NPIPA5: variants seen among roughly 807,000 people sequenced by gnomAD.
The protein encoded by NPIPA5 is nuclear pore complex-interacting protein family member A5.
A neutral mutation model predicts 21.4 loss-of-function variants in NPIPA5; 6 were observed. The ratio of observed to expected loss-of-function variants is 0.28; its 90% CI spans 0.15 to 0.55. NPIPA5 has a LOEUF of 0.55. Among genes scored for constraint, NPIPA5 ranks in the 20% least tolerant of loss-of-function variants. The probability of loss-of-function intolerance (pLI) is 0.93; values close to 1 mark genes in which losing one functional copy is unlikely to be tolerated. For missense variants in NPIPA5, 99 were observed against 318.2 expected (o/e 0.31, Z 5.24); for synonymous variants, 33 against 115.3 (o/e 0.29, Z 4.57).
At chr16:15,380,537 G>T (rs1429827159), upstream of NPIPA5, among the ~76,000 whole-genome samples, 1 of 151,888 alleles carries the variant, frequency 6.6e-6, no homozygotes, top group Admixed American at 6.6e-5. Flanking sequence ...TGGTCAGGCT[G>T]GTCTCGAAGT....
chr16:15,377,713 GGGA>G (rs548977986), intron 1 of NPIPA5, among the ~76,000 whole-genome samples: 6 of 89,828 alleles, frequency 6.7e-5, no homozygotes, highest in Non-Finnish European at 1.2e-4. Context: ...GGGGCTGTTG[GGGA>G]GGAGGAGGAG....
At chr16:15,366,829 T>C in intron 4 of NPIPA5, 69 bp from the exon 5 acceptor site, 1 of 1,516,296 alleles carries the variant, frequency 6.6e-7, no homozygotes, top group Admixed American at 2.3e-5. Context: ...CCTTCTGGCA[T>C]CTGAAGGCTG....
At chr16:15,372,502 A>C (rs1184994805) in intron 2 of NPIPA5, among the ~76,000 whole-genome samples, 1 of 146,260 alleles carries the variant, frequency 6.8e-6, no homozygotes, top group East Asian at 2.0e-4. Context: ...GAAAAGAAAA[A>C]AAAAAAAAGC....
chr16:15,378,053 C>T (rs1433228984), intron 1 of NPIPA5, among the ~76,000 whole-genome samples, 179 bp downstream of exon 1: 1 of 145,252 alleles, frequency 6.9e-6, no homozygotes, highest in Non-Finnish European at 1.5e-5. Flanking sequence ...CACGCTCCTC[C>T]CAAGGCCAGG....
chr16:15,371,360 T>C (rs166132), intron 2 of NPIPA5, among the ~76,000 whole-genome samples: 14,617 of 142,242 alleles, frequency 0.1, 1,404 homozygotes, highest in East Asian at 0.4. Flanking sequence ...TCACTAATGA[T>C]TGAATTCCCA....
At chr16:15,380,834 G>A (rs1271482811), upstream of NPIPA5, 2 of 611,402 alleles carry the variant, frequency 3.3e-6, no homozygotes, top group Non-Finnish European at 5.6e-6. Context: ...GACTGCGTAA[G>A]CTTCCCCCAG....
intron 1 of NPIPA5, among the ~76,000 whole-genome samples, chr16:15,375,486 G>T (rs1480523132): frequency 6.6e-6 from 1 of 151,578 alleles, no homozygotes; most frequent in Non-Finnish European, 1.5e-5. Flanking sequence ...GCTCACGCCT[G>T]CAATCCCAGC....
At position 15,371,595 on chromosome 16, in the gene NPIPA5, C is replaced by G. The variant is rs2050156544; in HGVS notation, c.193-1476G>C. ...TTGGCTCACGGCAACCTCCACCTCC[C>G]AGATTCAAGCGATTCTTGTGCCTCG... On this transcript the variant is annotated intron_variant, in intron 2 of 7. Coordinates refer to ENST00000360151, the MANE Select transcript of NPIPA5 (RefSeq NM_001277325.2). Among the ~76,000 whole-genome samples the G allele has an allele frequency of 2.2e-4, 32 of 142,326 alleles. 5 individuals carry two copies. The South Asian group carries it at 7.6e-3, about 34-fold the overall frequency. The allele number at this position is 142,326 out of a possible 152,430, so 93.4% of individuals were successfully genotyped here.
In NPIPA5 at chr16:15,371,153, C is replaced by T. The variant is rs1030295515; in HGVS notation, c.193-1034G>A. ...TTGTAAGTATTTTACCACAGGTTAA[C>T]ATGTTTCACAACTTGAAAAGGAAGT... On this transcript the variant is annotated intron_variant, in intron 2 of 7. Transcript: ENST00000360151. Among the ~76,000 whole-genome samples, 93 of 144,388 alleles carry T rather than the reference C, an allele frequency of 6.4e-4. 1 individual carries two copies. Among genetic ancestry groups the T allele is most frequent in the African/African-American group, 2.3e-3 (91 of 39,934 alleles). 94.7% of individuals were successfully genotyped at this position (144,388 alleles called of 152,430 possible).
chr16:15,376,998 T>C (rs1281404256), intron 1 of NPIPA5, among the ~76,000 whole-genome samples: 1 of 151,502 alleles, frequency 6.6e-6, no homozygotes, highest in Non-Finnish European at 1.5e-5. Context: ...AAAAAAGTCA[T>C]CAAACCAGAT....
chr16:15,372,048 A>G (rs1036098008), intron 2 of NPIPA5, among the ~76,000 whole-genome samples: 1 of 148,140 alleles, frequency 6.8e-6, no homozygotes, highest in Non-Finnish European at 1.5e-5. Flanking sequence ...GCCATCACAC[A>G]TGAATGCTTC....
At chr16:15,377,613 C>T (rs1485412657) in intron 1 of NPIPA5, among the ~76,000 whole-genome samples, 6 of 112,906 alleles carry the variant, frequency 5.3e-5, no homozygotes, top group Non-Finnish European at 1.1e-4. Context: ...GGACCGGGGC[C>T]GGATCTGAGT....
intron 1 of NPIPA5, among the ~76,000 whole-genome samples, chr16:15,376,120 AC>A (rs1190400183): frequency 2.0e-5 from 3 of 152,036 alleles, no homozygotes; most frequent in Non-Finnish European, 1.5e-5. Context: ...ACAAAAGAGT[AC>A]CTATGGCATG....
upstream of NPIPA5, among the ~76,000 whole-genome samples, chr16:15,380,463 C>A (rs1226049418): frequency 1.3e-5 from 2 of 151,956 alleles, no homozygotes; most frequent in Admixed American, 6.6e-5. Flanking sequence ...GCTGGAACTA[C>A]AGGCTGACAC....
At position 15,370,177 on chromosome 16, in the gene NPIPA5, C is replaced by T. The variant is rs376563628; in HGVS notation, c.193-58G>A. The stretch of plus-strand genomic sequence containing the variant: ...GCACGGTGGCTCATGCGTATAATCC[C>T]AGTACTTTGGGAGGCCGAGGCAGGG... On this transcript the variant is annotated intron_variant, in intron 2 of 7. Coordinates refer to ENST00000360151, the MANE Select transcript of NPIPA5 (RefSeq NM_001277325.2). The T allele has an allele frequency of 6.5e-6, 10 of 1,541,642 alleles. 1 individual carries two copies. In the East Asian group the frequency reaches 1.9e-4, roughly 29 times the overall value.
chr16:15,366,884 T>C (rs2049989962), intron 4 of NPIPA5, 124 bp from the exon 5 acceptor site: 1 of 1,513,204 alleles, frequency 6.6e-7, no homozygotes, highest in African/African-American at 1.4e-5. Context: ...ATGAACCAAC[T>C]GATTCTCACA....
chr16:15,379,546 G>A (rs1292390590), upstream of NPIPA5, among the ~76,000 whole-genome samples: 6 of 151,916 alleles, frequency 3.9e-5, no homozygotes, highest in African/African-American at 1.4e-4. Flanking sequence ...CAGCCTAGGC[G>A]ACAGAGCGAG....
chr16:15,366,938 A>C (rs1050589485), intron 4 of NPIPA5, among the ~76,000 whole-genome samples, 178 bp from the exon 5 acceptor site: 1 of 152,052 alleles, frequency 6.6e-6, no homozygotes, highest in African/African-American at 2.4e-5. Flanking sequence ...ATAAAAAAAA[A>C]TCACACTCTG....
upstream of NPIPA5, chr16:15,381,002 C>T (rs2050424386): frequency 4.0e-6 from 6 of 1,513,042 alleles, no homozygotes; most frequent in East Asian, 2.5e-5. Flanking sequence ...TGGCCCTGGT[C>T]ATGGGACAGG....
Sources: allele counts gnomAD v4.1 joint callset (sites outside exome capture counted in the v4.1 genomes callset), GRCh38; gene constraint gnomAD v4.1.1; transcripts MANE v1.5; gene names NCBI Gene and HGNC (gene_info 2026-07-23, HGNC 2026-07-21).